The following POLK variants were observed in gnomAD, a reference collection of about 807,000 sequenced individuals.
POLK encodes the protein DNA polymerase kappa.
Under a neutral mutation model 94.0 loss-of-function variants are expected in POLK, and 76 were observed. The ratio of observed to expected loss-of-function variants is 0.81; its 90% confidence interval spans 0.67 to 0.98. The LOEUF (loss-of-function observed/expected upper bound fraction) is 0.98, where lower values mean the gene tolerates loss of function less well. Ranked by LOEUF, POLK falls within the 50% of genes least tolerant of loss-of-function variation. The probability of loss-of-function intolerance (pLI) is 0.00; values close to 1 mark genes in which losing one functional copy is unlikely to be tolerated. For synonymous variants in POLK, 349 were observed against 325.4 expected (o/e 1.07, Z -0.78); for missense variants, 954 against 1,010.1 (o/e 0.94, Z 0.75).
intron 1 of POLK, among the ~76,000 whole-genome samples, chr5:75,541,219 A>C (rs906905728): frequency 4.6e-5 from 7 of 152,048 alleles, no homozygotes; most frequent in African/African-American, 1.2e-4. Flanking sequence ...TGAACCTGGG[A>C]GGCGGAGGTT....
At chr5:75,579,502 T>A (rs1053779589) in intron 6 of POLK, among the ~76,000 whole-genome samples, 1 of 151,868 alleles carries the variant, frequency 6.6e-6, no homozygotes, top group African/African-American at 2.4e-5. Context: ...CCGGAGTAGC[T>A]GTGCGCCACC....
At chr5:75,597,143 C>A in exon 13 of POLK, 1 of 1,606,390 alleles carries the variant, frequency 6.2e-7, no homozygotes, top group South Asian at 1.1e-5. Flanking sequence ...AAATTTAACC[C>A]AGTTAATCAA....
intron 1 of POLK, among the ~76,000 whole-genome samples, chr5:75,520,388 T>C (rs1359420353): frequency 2.6e-5 from 4 of 152,114 alleles, no homozygotes; most frequent in African/African-American, 9.7e-5. Context: ...ACCAGAGGAT[T>C]TTATTTATTT....
chr5:75,534,378 G>A (rs895346267), intron 1 of POLK, among the ~76,000 whole-genome samples: 1 of 152,044 alleles, frequency 6.6e-6, no homozygotes, highest in Middle Eastern at 3.4e-3. Flanking sequence ...ACTGTCTCCT[G>A]TATGTCGATG....
chr5:75,529,654 TTATA>T (rs1184089220), intron 1 of POLK, among the ~76,000 whole-genome samples: 1 of 152,136 alleles, frequency 6.6e-6, no homozygotes, highest in African/African-American at 2.4e-5. Flanking sequence ...AAAAAATTTT[TTATA>T]TAGAGTGTGT....
chr5:75,530,614 A>G (rs1383634015), intron 1 of POLK, among the ~76,000 whole-genome samples: 1 of 151,430 alleles, frequency 6.6e-6, no homozygotes, highest in Non-Finnish European at 1.5e-5. Flanking sequence ...TCATGCATGT[A>G]AAATACTATA....
chr5:75,513,096 G>A (rs1264097450), intron 1 of POLK: 1 of 152,096 alleles, frequency 6.6e-6, no homozygotes, highest in Non-Finnish European at 1.5e-5. Context: ...CCTGCATGGG[G>A]GATTAATTAC....
chr5:75,599,186 A>G (rs1361420227), exon 15 of POLK: 1 of 152,156 alleles, frequency 6.6e-6, no homozygotes, highest in African/African-American at 2.4e-5. Flanking sequence ...TGGGAGGTCA[A>G]AGCTGCAGTC....
intron 1 of POLK, among the ~76,000 whole-genome samples, chr5:75,513,227 A>C (rs1246563563): frequency 6.6e-6 from 1 of 151,770 alleles, no homozygotes; most frequent in Non-Finnish European, 1.5e-5. Context: ...GACCATCCAC[A>C]CTCCATTTAT....
downstream of POLK, among the ~76,000 whole-genome samples, chr5:75,603,626 A>G (rs1302727800): frequency 5.3e-5 from 8 of 152,114 alleles, no homozygotes; most frequent in Non-Finnish European, 1.2e-4. Flanking sequence ...GCAAGCCAAT[A>G]CAAGCTAGCT....
chr5:75,569,231 G>T, intron 3 of POLK, 109 bp from the exon 4 acceptor site: 1 of 703,786 alleles, frequency 1.4e-6, no homozygotes, highest in Non-Finnish European at 2.3e-6. Context: ...ATGAATGGGT[G>T]TGTGGACAGA....
At chr5:75,546,857 G>A (rs1234266025) in intron 1 of POLK, among the ~76,000 whole-genome samples, 153 bp from the exon 2 acceptor site, 2 of 152,140 alleles carry the variant, frequency 1.3e-5, no homozygotes, top group Admixed American at 6.6e-5. Flanking sequence ...AGTAGAGACA[G>A]GGTTTCACCA....
chr5:75,597,432 T>A (rs747657928), intron 13 of POLK: 7 of 425,926 alleles, frequency 1.6e-5, no homozygotes, highest in Non-Finnish European at 2.9e-5. Context: ...CTGAGTGATC[T>A]AATCAAACAA....
At chr5:75,597,952 G>A (rs754005426) in exon 15 of POLK, 19 of 1,500,864 alleles carry the variant, frequency 1.3e-5, no homozygotes, top group Non-Finnish European at 1.6e-5. Context: ...TGATGACAAA[G>A]TACTCAACAT....
intron 1 of POLK, among the ~76,000 whole-genome samples, chr5:75,518,752 T>G (rs545777248): frequency 1.3e-5 from 2 of 152,222 alleles, no homozygotes; most frequent in Admixed American, 6.5e-5. Context: ...ACAATTATTA[T>G]TGTAAACTTC....
chr5:75,577,719 C>T (rs923434161), intron 6 of POLK, among the ~76,000 whole-genome samples: 1 of 152,128 alleles, frequency 6.6e-6, no homozygotes, highest in African/African-American at 2.4e-5. Context: ...TTGTAACTTT[C>T]CCTGAAGCAA....
At chr5:75,597,167 C>T (rs751750259) in exon 13 of POLK, 2 of 1,530,014 alleles carry the variant, frequency 1.3e-6, no homozygotes, top group East Asian at 2.2e-5. Flanking sequence ...AAAGAAAGCT[C>T]CAGAAGTACT....
Position 75,573,776 on chromosome 5 carries a change from T to G in POLK, c.447T>G (p.Arg149=), listed in dbSNP as rs574118954. ...ACCATGCAAGGAGATTTGGTGTTCG[T>G]GCAGCCATGCCAGGATTTATTGCTA... The change falls in exon 5 of 15, where the codon CGT becomes CGG. Residue 149 remains arginine, a synonymous_variant. Transcript: ENST00000241436. The G allele has an allele frequency of 4.3e-5, 69 of 1,613,182 alleles. No homozygotes were observed. The South Asian group carries it at 5.1e-4, about 12-fold the overall frequency.
chr5:75,512,143 G>A (rs945298594), intron 1 of POLK: 1 of 228,300 alleles, frequency 4.4e-6, no homozygotes, highest in South Asian at 9.1e-5. Flanking sequence ...GCATCTGGCC[G>A]CTTCCGCCTC....
Sources: allele counts gnomAD v4.1 joint callset (sites outside exome capture counted in the v4.1 genomes callset), GRCh38; gene constraint gnomAD v4.1.1; transcripts MANE v1.5; gene names NCBI Gene and HGNC (gene_info 2026-07-23, HGNC 2026-07-21).